The following PCSK5 variants were observed in gnomAD, a reference collection of about 807,000 sequenced individuals.
The protein encoded by PCSK5 is proprotein convertase subtilisin/kexin type 5, also known as prohormone convertase 5.
In PCSK5, 129 loss-of-function variants were observed where a neutral mutation model predicts 233.2. That is an observed-to-expected ratio of 0.55 (90% CI 0.48 to 0.64). The LOEUF is 0.64. Ranked by LOEUF, PCSK5 falls within the 30% of genes least tolerant of loss-of-function variation. PCSK5 has a pLI of 0.00. For missense variants in PCSK5, 2,076 were observed against 2,430.1 expected, an observed-to-expected ratio of 0.85 and a Z score of 3.06; for synonymous variants, 825 against 879.2, an observed-to-expected ratio of 0.94 and a Z score of 1.09.
At chr9:75,979,315 A>C (rs551212614) in intron 2 of PCSK5, among the ~76,000 whole-genome samples, 1 of 152,154 alleles carries the variant, frequency 6.6e-6, no homozygotes, top group African/African-American at 2.4e-5. Flanking sequence ...TACTACCTCC[A>C]GATCTGGGCA....
At position 76,175,020 on chromosome 9, in the gene PCSK5, C is replaced by A; in HGVS notation, c.1791C>A (p.Gly597=). 1 of 1,613,026 alleles carries A rather than the reference C, an allele frequency of 6.2e-7. No homozygotes were observed. Among genetic ancestry groups the A allele is most frequent in the Non-Finnish European group, 8.5e-7 (1 of 1,179,600 alleles). The change falls in exon 14 of 38, where the codon GGC becomes GGA. Residue 597 remains glycine, a synonymous_variant. Coordinates refer to ENST00000674117, the MANE Select transcript of PCSK5 (RefSeq NM_001372043.1). ...AAGAATGGTCTTTGGTCCTCTACGGCACCTCCGTGCAGCCATATTCACCAA... is the reference window on the plus strand; with the variant it reads ...AAGAATGGTCTTTGGTCCTCTACGGAACCTCCGTGCAGCCATATTCACCAA... ...KLKEWSLVLY[G]TSVQPYSPTN...
At chr9:76,351,533 G>GAAAGGAAAGAAAGA (rs1354864321) in intron 36 of PCSK5, among the ~76,000 whole-genome samples, 1 of 15,818 alleles carries the variant, frequency 6.3e-5, no homozygotes, top group African/African-American at 1.0e-4. Flanking sequence ...AGAAAGAAAG[G>GAAAGGAAAGAAAGA]AAGGAAAGAA....
chr9:76,114,758 C>T (rs1832358270), intron 9 of PCSK5, among the ~76,000 whole-genome samples: 1 of 152,048 alleles, frequency 6.6e-6, no homozygotes, highest in Non-Finnish European at 1.5e-5. Context: ...ATAAAGATTG[C>T]TTTTTCCAAA....
At chr9:75,920,822 TAAAATAAAAAAA>T (rs1331999657) in intron 1 of PCSK5, among the ~76,000 whole-genome samples, 1 of 151,598 alleles carries the variant, frequency 6.6e-6, no homozygotes, top group Non-Finnish European at 1.5e-5. Context: ...AATTAAAAAA[TAAAATAAAAAAA>T]CAAATAAAAA....
At chr9:75,936,162 C>A (rs1232054471) in intron 2 of PCSK5, among the ~76,000 whole-genome samples, 1 of 152,136 alleles carries the variant, frequency 6.6e-6, no homozygotes, top group South Asian at 2.1e-4. Context: ...ATCATCTGAG[C>A]CTTCAGTGAG....
chr9:76,277,444 C>T (rs891141000), intron 24 of PCSK5, among the ~76,000 whole-genome samples: 4 of 152,146 alleles, frequency 2.6e-5, no homozygotes, highest in Non-Finnish European at 4.4e-5. Context: ...TATTCCATCA[C>T]TGGAATTAGA....
intron 7 of PCSK5, among the ~76,000 whole-genome samples, chr9:76,073,265 CTG>C (rs2131605926): frequency 6.6e-6 from 1 of 152,312 alleles, no homozygotes; most frequent in African/African-American, 2.4e-5. Context: ...TAATAGAAGA[CTG>C]TGCTAAGCTG....
chr9:75,934,554 T>C (rs1823962197), intron 2 of PCSK5, among the ~76,000 whole-genome samples: 1 of 151,666 alleles, frequency 6.6e-6, no homozygotes, highest in South Asian at 2.1e-4. Context: ...CAAAGGACAT[T>C]GGGGGTTCCT....
chr9:76,102,946 C>A (rs1025603717), intron 8 of PCSK5, among the ~76,000 whole-genome samples: 1 of 152,162 alleles, frequency 6.6e-6, no homozygotes, highest in South Asian at 2.1e-4. Context: ...AGTGATGTAA[C>A]ATGAGATTCT....
At chr9:76,156,218 A>G (rs1206940218) in intron 10 of PCSK5, among the ~76,000 whole-genome samples, 1 of 123,498 alleles carries the variant, frequency 8.1e-6, no homozygotes, top group African/African-American at 2.8e-5. Flanking sequence ...AAGTATTTTT[A>G]GAAAGATCTG....
chr9:76,007,203 A>G (rs1485498744), intron 3 of PCSK5, among the ~76,000 whole-genome samples: 1 of 152,066 alleles, frequency 6.6e-6, no homozygotes, highest in Non-Finnish European at 1.5e-5. Context: ...TTCTGTCCAT[A>G]TATTTTAAAA....
At chr9:76,109,881 A>C (rs1832139183) in intron 9 of PCSK5, among the ~76,000 whole-genome samples, 1 of 152,244 alleles carries the variant, frequency 6.6e-6, no homozygotes, top group Non-Finnish European at 1.5e-5. Flanking sequence ...TTAAATTAGC[A>C]TCAATAAGCA....
intron 37 of PCSK5, 43 bp from the exon 38 acceptor site, chr9:76,358,470 C>T (rs1830357459): frequency 2.6e-6 from 4 of 1,512,236 alleles, no homozygotes; most frequent in Non-Finnish European, 3.6e-6. Context: ...ATTTCTTTCA[C>T]TTTTTCCCTC....
chr9:75,950,213 A>T (rs1824791309), intron 2 of PCSK5, among the ~76,000 whole-genome samples: 1 of 144,890 alleles, frequency 6.9e-6, no homozygotes, highest in Non-Finnish European at 1.5e-5. Context: ...CCTTTTATTT[A>T]TTTGTTTTTT....
At chr9:76,224,815 AAG>A (rs1325515149) in intron 20 of PCSK5, among the ~76,000 whole-genome samples, 1 of 152,248 alleles carries the variant, frequency 6.6e-6, no homozygotes, top group East Asian at 1.9e-4. Context: ...GAAGGCAAAC[AAG>A]AGATACAGAA....
At position 76,158,991 on chromosome 9, in the gene PCSK5, G is replaced by T. The variant is rs751182065; in HGVS notation, c.1439G>T (p.Arg480Leu). ...ESTDRQIKTI[R>L]PNSAVRSIYK... ...ATCTCTCTCTGTTACAGGACAATCC[G>T]CCCTAACAGTGCAGTGCGCTCCATC... Residue 480 changes from arginine to leucine, a missense_variant, in exon 12 of 38, where the codon CGC becomes CTC. Physicochemically the swap from Arg to Leu is moderately radical, Grantham distance 102. Transcript: ENST00000674117. 2 of 1,613,612 alleles carry T rather than the reference G, an allele frequency of 1.2e-6. No individual in the cohort carries two copies. Among genetic ancestry groups the T allele is most frequent in the Non-Finnish European group, 1.7e-6 (2 of 1,179,688 alleles).
chr9:76,054,691 A>G (rs1258023353), intron 5 of PCSK5, among the ~76,000 whole-genome samples: 1 of 152,208 alleles, frequency 6.6e-6, no homozygotes, highest in African/African-American at 2.4e-5. Flanking sequence ...TTATAAACTC[A>G]CAGAAATTTG....
intron 9 of PCSK5, among the ~76,000 whole-genome samples, chr9:76,125,919 C>A (rs955911482): frequency 1.3e-5 from 2 of 151,302 alleles, no homozygotes; most frequent in Non-Finnish European, 2.9e-5. Context: ...ATCTTTATAG[C>A]AGGAAAGCAA....
intron 3 of PCSK5, among the ~76,000 whole-genome samples, chr9:76,004,913 A>C (rs12000040): frequency 0.45 from 69,069 of 152,012 alleles, 15,922 homozygotes; most frequent in Middle Eastern, 0.5. Flanking sequence ...GTGGTGTTTA[A>C]AAATCAAGAT....
Sources: gnomAD v4.1 joint callset for allele counts (sites outside exome capture counted in the v4.1 genomes callset) on GRCh38, gnomAD v4.1.1 for gene constraint, MANE v1.5 for transcripts, NCBI Gene and HGNC (gene_info 2026-07-23, HGNC 2026-07-21) for gene names.